Variants in FAM13A observed in about 807,000 individuals in gnomAD.
FAM13A encodes the protein family with sequence similarity 13 member A, also known as protein FAM13A.
In FAM13A, 76 loss-of-function variants were observed where a neutral mutation model predicts 129.6. That is an observed-to-expected ratio of 0.59 (90% CI 0.49 to 0.71). The LOEUF (loss-of-function observed/expected upper bound fraction) is 0.71. FAM13A is among the 30% of genes least tolerant of loss of function. The probability of loss-of-function intolerance (pLI) is 0.00; values close to 1 mark genes in which losing one functional copy is unlikely to be tolerated. For missense variants in FAM13A, 1,108 were observed against 1,249.3 expected (o/e 0.89, Z 1.70); for synonymous variants, 443 against 449.9 (o/e 0.98, Z 0.20).
At chr4:88,798,430 G>A (rs1726692758) in intron 8 of FAM13A, among the ~76,000 whole-genome samples, 1 of 152,080 alleles carries the variant, frequency 6.6e-6, no homozygotes, top group African/African-American at 2.4e-5. Flanking sequence ...AGGGCAGAGA[G>A]GTGAAAAACA....
chr4:89,052,254 CTTTTTTT>C (rs201655712), intron 1 of FAM13A, among the ~76,000 whole-genome samples: 1,985 of 108,454 alleles, frequency 0.018, 48 homozygotes, highest in African/African-American at 0.066. Flanking sequence ...GCAGCGCTTT[CTTTTTTT>C]TTTTTCTTTT....
intron 3 of FAM13A, among the ~76,000 whole-genome samples, chr4:88,993,141 C>T (rs1201378101): frequency 3.9e-5 from 6 of 152,144 alleles, no homozygotes; most frequent in South Asian, 4.1e-4. Context: ...ATGTGACCTA[C>T]GTTGTGTTGT....
At chr4:89,048,384 A>G (rs927831439) in intron 1 of FAM13A, among the ~76,000 whole-genome samples, 5 of 152,334 alleles carry the variant, frequency 3.3e-5, no homozygotes, top group African/African-American at 9.6e-5. Flanking sequence ...AAGAGAACAT[A>G]TAAGTTCCAT....
intron 1 of FAM13A, among the ~76,000 whole-genome samples, chr4:89,038,877 C>T (rs1285390700): frequency 6.6e-6 from 1 of 152,046 alleles, no homozygotes; most frequent in Non-Finnish European, 1.5e-5. Context: ...TTCATAGTGT[C>T]AAAAAGATTA....
chr4:88,821,123 G>A (rs369180037), intron 7 of FAM13A, among the ~76,000 whole-genome samples: 103 of 152,232 alleles, frequency 6.8e-4, no homozygotes, highest in African/African-American at 2.3e-3. Context: ...ACAATTACAC[G>A]TAAGGGCGGG....
At chr4:88,860,954 G>T (rs1253555191) in intron 6 of FAM13A, among the ~76,000 whole-genome samples, 5 of 152,102 alleles carry the variant, frequency 3.3e-5, no homozygotes, top group African/African-American at 9.7e-5. Context: ...CATATATATA[G>T]GTGAACACTT....
rs7669597 is a variant in FAM13A, at chr4:88,870,968, T to C, written c.844-19785A>G. Among the ~76,000 whole-genome samples, 9 of 152,144 alleles carry C rather than the reference T, an allele frequency of 5.9e-5. No homozygotes were observed. The South Asian group carries it at 1.7e-3, about 28-fold the overall frequency. ...ACATTTGCTGTTCTGCAATATTTGCTGTTCTGCAGCCTTTGCTGGTGATAC... is the reference window on the plus strand; with the variant it reads ...ACATTTGCTGTTCTGCAATATTTGCCGTTCTGCAGCCTTTGCTGGTGATAC... On this transcript the variant is annotated intron_variant, in intron 6 of 23. Coordinates refer to ENST00000264344, the MANE Select transcript of FAM13A (RefSeq NM_014883.4).
intron 4 of FAM13A, among the ~76,000 whole-genome samples, chr4:88,972,299 C>CTT (rs57674045): frequency 0.043 from 5,959 of 137,354 alleles, 259 homozygotes; most frequent in South Asian, 0.19. Flanking sequence ...TTCTCCTTCA[C>CTT]TTTTTTTTTT....
chr4:88,907,102 C>T (rs942225519), intron 5 of FAM13A, among the ~76,000 whole-genome samples: 2 of 152,172 alleles, frequency 1.3e-5, no homozygotes, highest in African/African-American at 2.4e-5. Context: ...TATTCATACA[C>T]GATGAACAGA....
At chr4:88,903,470 A>C (rs1490229342) in intron 6 of FAM13A, among the ~76,000 whole-genome samples, 1 of 152,168 alleles carries the variant, frequency 6.6e-6, no homozygotes, top group East Asian at 1.9e-4. Context: ...AACACCTACA[A>C]TTATCTCATC....
chr4:88,978,103 T>A (rs1231854994), intron 4 of FAM13A, among the ~76,000 whole-genome samples: 10 of 152,170 alleles, frequency 6.6e-5, no homozygotes, highest in Non-Finnish European at 1.3e-4. Flanking sequence ...TATAACTACC[T>A]CACCAAGAGA....
chr4:88,914,652 T>C (rs1274808657), intron 5 of FAM13A, among the ~76,000 whole-genome samples: 4 of 152,212 alleles, frequency 2.6e-5, no homozygotes, highest in Admixed American at 2.0e-4. Flanking sequence ...CTATGCTCTT[T>C]TCTTCTTAAC....
chr4:89,014,616 T>C lies in FAM13A; in HGVS notation c.427+5844A>G, dbSNP rs144058027. On this transcript the variant is annotated intron_variant, in intron 3 of 23. Coordinates refer to ENST00000264344, the MANE Select transcript of FAM13A (RefSeq NM_014883.4). Reference sequence around the variant, plus strand: ...TATTAGTTCTCCAAATTAATACTTTTATAATTTCTTACACCTGTCTTTACT... The same window carrying C: ...TATTAGTTCTCCAAATTAATACTTTCATAATTTCTTACACCTGTCTTTACT... 6.4e-3 allele frequency among the ~76,000 whole-genome samples: 968 copies of C among 152,314 alleles called. 6 individuals are homozygous for C. Among genetic ancestry groups the C allele is most frequent in the African/African-American group, 0.022 (911 of 41,552 alleles).
intron 1 of FAM13A, among the ~76,000 whole-genome samples, chr4:89,046,783 T>C (rs192801411): frequency 2.0e-5 from 3 of 152,192 alleles, no homozygotes; most frequent in East Asian, 3.9e-4. Context: ...CCAAGGAAGT[T>C]GAGGCTGCAG....
chr4:88,971,698 CAG>C (rs1344461059), intron 4 of FAM13A, among the ~76,000 whole-genome samples: 2 of 152,078 alleles, frequency 1.3e-5, no homozygotes, highest in East Asian at 3.9e-4. Flanking sequence ...TTTTAAGAGA[CAG>C]AGTCTCACTG....
intron 3 of FAM13A, among the ~76,000 whole-genome samples, chr4:89,016,601 T>C (rs1766527740): frequency 1.3e-5 from 2 of 152,156 alleles, no homozygotes; most frequent in South Asian, 2.1e-4. Context: ...CAATCTTTTA[T>C]ACTATATTTT....
rs567232570 is a variant in FAM13A at position 88,779,549 on chromosome 4, A to G, written c.1458+1616T>C. ...AGTTTTTCTTCTAAGTTGTATTGGC[A>G]GGGTTTCAAGTTATTCATTGCAACA... On this transcript the variant is annotated intron_variant, in intron 11 of 23. Transcript: ENST00000264344. Among the ~76,000 whole-genome samples, 9 of 152,292 alleles carry G rather than the reference A, an allele frequency of 5.9e-5. No homozygotes were observed. The South Asian group carries it at 1.0e-3, about 18-fold the overall frequency.
rs563900262 is a variant in FAM13A, at chr4:89,039,510, G to C, written c.28-9861C>G. ...AGATGATAATAGTAGAAGAAACTGG[G>C]AAGTAAGGACAAAGAATTATGTGGG... On this transcript the variant is annotated intron_variant, in intron 1 of 23. Transcript: ENST00000264344. 8.0e-4 allele frequency among the ~76,000 whole-genome samples: 122 copies of C among 152,292 alleles called. 1 individual carries two copies. The highest frequency in any genetic ancestry group is 2.8e-3 in the African/African-American group (118 of 41,564).
chr4:88,991,491 AT>A (rs1214632459), intron 3 of FAM13A, among the ~76,000 whole-genome samples: 1 of 152,144 alleles, frequency 6.6e-6, no homozygotes, highest in African/African-American at 2.4e-5. Flanking sequence ...TGCAAGAAAT[AT>A]TTAAAAAACC....
Sources: gnomAD v4.1 joint callset for allele counts (sites outside exome capture counted in the v4.1 genomes callset) on GRCh38, gnomAD v4.1.1 for gene constraint, MANE v1.5 for transcripts, NCBI Gene and HGNC (gene_info 2026-07-23, HGNC 2026-07-21) for gene names.